Variants in TEX11 observed in about 807,000 individuals in gnomAD.
TEX11 encodes the protein testis-expressed protein 11.
TEX11 carries 7 observed loss-of-function variants against 84.4 expected under a neutral mutation model. The observed-to-expected ratio is 0.08, with a 90% confidence interval of 0.05 to 0.16. The LOEUF (loss-of-function observed/expected upper bound fraction) is 0.16, where lower values mean the gene tolerates loss of function less well. Ranked by LOEUF, TEX11 falls within the 10% of genes least tolerant of loss-of-function variation. The pLI is 1.00. For missense variants in TEX11, 551 were observed against 660.5 expected (o/e 0.83, Z 1.82); for synonymous variants, 264 against 222.8 (o/e 1.18, Z -1.64).
At position 70,899,845 on chromosome X, in the gene TEX11, TAAAAAAAAA is replaced by T. The variant is rs746225121; in HGVS notation, c.37+7899_37+7907del. On this transcript the variant is annotated intron_variant, in intron 2 of 29. Coordinates refer to ENST00000374333, the MANE Select transcript of TEX11 (RefSeq NM_031276.3). ...TGGGTGACAAAGAGAGGTCCTGTAT[TAAAAAAAAA>T]AAAAAAAAAAAAAAAAGGACCAGGT... Among the ~76,000 whole-genome samples the T allele has an allele frequency of 3.9e-4, 12 of 30,613 alleles. No individual in the cohort carries two copies. In the South Asian group the frequency reaches 0.011, roughly 27 times the overall value. The allele number at this position is 30,613 out of a possible 115,157, so 26.6% of individuals were successfully genotyped here. A position where few individuals can be genotyped will look rare whatever the true frequency, so the allele number is the denominator to read the frequency against.
intron 25 of TEX11, among the ~76,000 whole-genome samples, chrX:70,586,089 CA>C (rs2088849802): frequency 8.9e-6 from 1 of 112,580 alleles, no homozygotes; most frequent in Non-Finnish European, 1.9e-5. Context: ...GTCTCTTCAA[CA>C]AATGGCATGG....
chrX:70,859,440 G>A (rs1174647635), intron 5 of TEX11, among the ~76,000 whole-genome samples: 2 of 104,937 alleles, frequency 1.9e-5, no homozygotes, highest in East Asian at 6.1e-4. Context: ...AAATTAGCTG[G>A]GCATGGTGGC....
In TEX11 at chrX:70,839,079, A is replaced by C. The variant is rs1319653981; in HGVS notation, c.526-5486T>G. 2.7e-5 allele frequency among the ~76,000 whole-genome samples: 3 copies of C among 112,546 alleles called. No homozygotes were observed. The East Asian group carries it at 8.4e-4, about 32-fold the overall frequency. On this transcript the variant is annotated intron_variant, in intron 7 of 29. Transcript: ENST00000374333. ...ACCTCTGGGAGCAGGGCACAGACAAACAAAAAGACAGCAGTAACCTATGCA... is the reference window on the plus strand; with the variant it reads ...ACCTCTGGGAGCAGGGCACAGACAACCAAAAAGACAGCAGTAACCTATGCA...
At chrX:70,762,717 A>T (rs1602107602) in intron 9 of TEX11, among the ~76,000 whole-genome samples, 1 of 111,530 alleles carries the variant, frequency 9.0e-6, no homozygotes, top group Non-Finnish European at 1.9e-5. Context: ...GGTGCCAAAA[A>T]GGTTGGGGAC....
intron 13 of TEX11, among the ~76,000 whole-genome samples, chrX:70,712,825 A>G (rs1456814764): frequency 1.8e-5 from 2 of 110,968 alleles, no homozygotes; most frequent in African/African-American, 3.3e-5. Context: ...TTCCAACACT[A>G]TGTTGAATAG....
chrX:70,593,372 T>C (rs767789960), intron 24 of TEX11, among the ~76,000 whole-genome samples: 1 of 111,526 alleles, frequency 9.0e-6, no homozygotes, highest in East Asian at 2.8e-4. Context: ...ACTAAACAAA[T>C]AAAGAAGCAA....
At chrX:70,663,499 C>T (rs2089949500) in intron 16 of TEX11, among the ~76,000 whole-genome samples, 1 of 111,268 alleles carries the variant, frequency 9.0e-6, no homozygotes, top group Non-Finnish European at 1.9e-5. Context: ...ATCCACACTT[C>T]CTTTATTCTT....
chrX:70,796,461 C>T (rs2091156342), intron 9 of TEX11, among the ~76,000 whole-genome samples: 1 of 111,749 alleles, frequency 8.9e-6, no homozygotes, highest in African/African-American at 3.2e-5. Flanking sequence ...CTTCCCAAAC[C>T]TAGAGAGATA....
At chrX:70,756,040 G>T (rs1164866411) in intron 9 of TEX11, among the ~76,000 whole-genome samples, 2 of 112,183 alleles carry the variant, frequency 1.8e-5, no homozygotes, top group African/African-American at 6.5e-5. Flanking sequence ...TTGGCGGGGG[G>T]AGGGGTGTTG....
At chrX:70,696,864 G>A (rs1384269709) in intron 13 of TEX11, among the ~76,000 whole-genome samples, 1 of 112,190 alleles carries the variant, frequency 8.9e-6, no homozygotes, top group African/African-American at 3.2e-5. Flanking sequence ...TTCAGGCTTA[G>A]GCTCACACAA....
At chrX:70,844,622 T>TA (rs769907358) in intron 7 of TEX11, among the ~76,000 whole-genome samples, 4 of 108,721 alleles carry the variant, frequency 3.7e-5, no homozygotes, top group African/African-American at 1.0e-4. Flanking sequence ...AATAATAAAA[T>TA]AAAAAAAAAG....
intron 13 of TEX11, among the ~76,000 whole-genome samples, chrX:70,687,793 CTA>C (rs1268019832): frequency 2.7e-5 from 3 of 109,520 alleles, no homozygotes; most frequent in Non-Finnish European, 3.8e-5. Context: ...CTGCAGTGAG[CTA>C]TGATTATACC....
intron 5 of TEX11, among the ~76,000 whole-genome samples, chrX:70,854,580 T>G (rs781054863): frequency 2.6e-4 from 28 of 108,237 alleles, no homozygotes; most frequent in African/African-American, 8.4e-4. Flanking sequence ...TACAAAAAAT[T>G]TAAAAATTCA....
At chrX:70,646,071 A>C (rs921658153) in intron 17 of TEX11, among the ~76,000 whole-genome samples, 5 of 111,896 alleles carry the variant, frequency 4.5e-5, no homozygotes, top group Non-Finnish European at 9.4e-5. Context: ...AGAAAAACAG[A>C]TACATAGGCC....
At position 70,577,571 on chromosome X, in the gene TEX11, G is replaced by A. The variant is rs191247127; in HGVS notation, c.2140+14180C>T. ...AAGCAGCAAAGGGAAAAAAGATACC[G>A]CTGAATAAACAGTAAGAGACAGAAA... On this transcript the variant is annotated intron_variant, in intron 25 of 29. Coordinates refer to ENST00000374333, the MANE Select transcript of TEX11 (RefSeq NM_031276.3). 2.7e-3 allele frequency among the ~76,000 whole-genome samples: 294 copies of A among 110,837 alleles called. 2 individuals are homozygous for A. The highest frequency in any genetic ancestry group is 8.9e-3 in the African/African-American group (272 of 30,596).
chrX:70,734,841 C>A (rs1472267255), intron 11 of TEX11, among the ~76,000 whole-genome samples: 1 of 111,364 alleles, frequency 9.0e-6, no homozygotes, highest in East Asian at 2.8e-4. Context: ...CTTCCTCAAC[C>A]TGACAAAGGG....
At chrX:70,630,217 C>T (rs778630214) in intron 17 of TEX11, among the ~76,000 whole-genome samples, 1 of 107,104 alleles carries the variant, frequency 9.3e-6, no homozygotes, top group East Asian at 2.9e-4. Flanking sequence ...GAGGCTGAGG[C>T]AGGAGAATGG....
At chrX:70,773,082 G>C (rs2090981162) in intron 9 of TEX11, among the ~76,000 whole-genome samples, 1 of 111,013 alleles carries the variant, frequency 9.0e-6, no homozygotes, top group Non-Finnish European at 1.9e-5. Context: ...GATATAGAAA[G>C]AGAAAGGGTC....
At chrX:70,738,439 T>A (rs1229672593) in intron 11 of TEX11, among the ~76,000 whole-genome samples, 2 of 111,810 alleles carry the variant, frequency 1.8e-5, no homozygotes, top group African/African-American at 3.3e-5. Flanking sequence ...TATTAAAAAG[T>A]CAGGAAACAA....
Sources: gnomAD v4.1 joint callset for allele counts (sites outside exome capture counted in the v4.1 genomes callset) on GRCh38, gnomAD v4.1.1 for gene constraint, MANE v1.5 for transcripts, NCBI Gene and HGNC (gene_info 2026-07-23, HGNC 2026-07-21) for gene names.